The following TBC1D14 variants were observed in gnomAD, a reference collection of about 807,000 sequenced individuals.
TBC1D14 encodes TBC1 domain family member 14.
TBC1D14 carries 26 observed loss-of-function variants against 79.0 expected under a neutral mutation model. The observed-to-expected ratio is 0.33, with a 90% confidence interval of 0.24 to 0.46. The LOEUF (loss-of-function observed/expected upper bound fraction) is 0.46, where lower values mean the gene tolerates loss of function less well. Ranked by LOEUF, TBC1D14 falls within the 20% of genes least tolerant of loss-of-function variation. TBC1D14 has a pLI of 1.00. For missense variants in TBC1D14, 769 were observed against 887.6 expected, an observed-to-expected ratio of 0.87 and a Z score of 1.70; for synonymous variants, 394 against 349.9, an observed-to-expected ratio of 1.13 and a Z score of -1.40.
At chr4:6,967,836 G>A (rs907147779) in intron 3 of TBC1D14, among the ~76,000 whole-genome samples, 4 of 152,144 alleles carry the variant, frequency 2.6e-5, no homozygotes, top group South Asian at 2.1e-4. Context: ...ACAGGAAGGC[G>A]AGGGCCGACA....
chr4:6,965,472 C>T (rs1715621137), intron 2 of TBC1D14, among the ~76,000 whole-genome samples: 2 of 152,194 alleles, frequency 1.3e-5, no homozygotes, highest in Admixed American at 1.3e-4. Context: ...TCAGGTCATG[C>T]ATTCTTGGGC....
rs1378935060 is a variant in TBC1D14 at position 7,032,373 on chromosome 4, GAAGGTGGCGCGGC to G, written c.*1984_*1996del. 1 of 152,686 alleles carries G rather than the reference GAAGGTGGCGCGGC, an allele frequency of 6.5e-6. No homozygotes were observed. Among genetic ancestry groups the G allele is most frequent in the African/African-American group, 2.4e-5 (1 of 41,462 alleles). The allele number at this position is 152,686 out of a possible 1,614,324, so 9.5% of individuals were successfully genotyped here. ...ATAAAGATGTTCCTTAAGTCGTACA[GAAGGTGGCGCGGC>G]AAAGGGCCTCGTGCAGTGTGTTCAG... On this transcript the variant is annotated 3_prime_UTR_variant, in exon 14 of 14. Transcript: ENST00000409757.
At chr4:6,934,564 A>C (rs1176728157) in intron 2 of TBC1D14, among the ~76,000 whole-genome samples, 2 of 151,338 alleles carry the variant, frequency 1.3e-5, no homozygotes, top group East Asian at 3.9e-4. Flanking sequence ...AGGCTTAGGC[A>C]TGAGAATCTC....
intron 2 of TBC1D14, among the ~76,000 whole-genome samples, chr4:6,946,512 G>A (rs1042424414): frequency 2.0e-5 from 3 of 152,028 alleles, no homozygotes; most frequent in East Asian, 1.9e-4. Flanking sequence ...TGGTAGAGAC[G>A]GGGTATCATC....
At chr4:6,917,864 C>G (rs1432059759) in intron 1 of TBC1D14, among the ~76,000 whole-genome samples, 1 of 152,190 alleles carries the variant, frequency 6.6e-6, no homozygotes, top group African/African-American at 2.4e-5. Flanking sequence ...AGTGCGGCTT[C>G]TGCCCTAGTG....
intron 2 of TBC1D14, among the ~76,000 whole-genome samples, chr4:6,938,925 T>C (rs541708384): frequency 1.3e-5 from 2 of 151,724 alleles, no homozygotes; most frequent in South Asian, 4.2e-4. Context: ...GCTGCAGGAG[T>C]GGAGATCTGG....
chr4:7,020,458 G>C (rs907203432), intron 12 of TBC1D14, among the ~76,000 whole-genome samples: 131 of 152,318 alleles, frequency 8.6e-4, no homozygotes, highest in African/African-American at 3.1e-3. Flanking sequence ...GGAGCCCTGT[G>C]GTTGGGGGAG....
chr4:6,967,852 C>T (rs894298875), intron 3 of TBC1D14, among the ~76,000 whole-genome samples: 2 of 152,072 alleles, frequency 1.3e-5, no homozygotes, highest in African/African-American at 2.4e-5. Flanking sequence ...CGACATTCCC[C>T]GGCTCTGCTG....
At chr4:6,947,074 AAGTT>A (rs953319737) in intron 2 of TBC1D14, among the ~76,000 whole-genome samples, 3 of 152,136 alleles carry the variant, frequency 2.0e-5, no homozygotes, top group Non-Finnish European at 2.9e-5. Flanking sequence ...GTAAAAATCT[AAGTT>A]AGGCCGGCGC....
At chr4:6,964,753 C>T (rs554672099) in intron 2 of TBC1D14, among the ~76,000 whole-genome samples, 1 of 152,062 alleles carries the variant, frequency 6.6e-6, no homozygotes, top group Non-Finnish European at 1.5e-5. Context: ...ATGATTATAA[C>T]CACAACAGAA....
rs1229935487 is a variant in TBC1D14 at position 6,947,656 on chromosome 4, C to T, written c.723-19648C>T. On this transcript the variant is annotated intron_variant, in intron 2 of 13. Transcript: ENST00000409757. ...CCGCCTGGGCAGCAGAGTGAGATTC[C>T]GTCTCAAAAAAAAAAAAAAAAAATC... is the stretch of plus-strand genomic sequence containing the variant. 5.2e-5 allele frequency among the ~76,000 whole-genome samples: 6 copies of T among 116,424 alleles called. No homozygotes were observed. In the South Asian group the frequency reaches 1.2e-3, roughly 23 times the overall value. 76.4% of individuals were successfully genotyped at this position (116,424 alleles called of 152,430 possible). A position where few individuals can be genotyped will look rare whatever the true frequency, so the allele number is the denominator to read the frequency against.
intron 1 of TBC1D14, among the ~76,000 whole-genome samples, chr4:6,923,070 G>A (rs116383353): frequency 0.08 from 12,132 of 152,216 alleles, 693 homozygotes; most frequent in Non-Finnish European, 0.12. Flanking sequence ...GCGTGGAAGC[G>A]CATGCCTGTA....
intron 13 of TBC1D14, among the ~76,000 whole-genome samples, chr4:7,029,394 C>G (rs1722809960): frequency 6.6e-6 from 1 of 152,248 alleles, no homozygotes; most frequent in Non-Finnish European, 1.5e-5. Context: ...TTGTTCAGGC[C>G]CCTCATGTTG....
At chr4:6,983,806 A>C (rs1196248865) in intron 3 of TBC1D14, among the ~76,000 whole-genome samples, 1 of 152,210 alleles carries the variant, frequency 6.6e-6, no homozygotes, top group Non-Finnish European at 1.5e-5. Flanking sequence ...TTATTCTGAG[A>C]AGTATAAATT....
intron 3 of TBC1D14, among the ~76,000 whole-genome samples, chr4:6,984,754 C>A (rs545266008): frequency 1.3e-5 from 2 of 152,290 alleles, no homozygotes; most frequent in East Asian, 3.9e-4. Context: ...AGACTGAGTT[C>A]TTTGAGCACC....
chr4:6,926,093 C>T (rs545373869), intron 2 of TBC1D14, among the ~76,000 whole-genome samples: 14 of 152,326 alleles, frequency 9.2e-5, no homozygotes, highest in African/African-American at 2.4e-4. Context: ...TAGAACCGTG[C>T]GCGGAGGAGC....
Position 7,030,353 on chromosome 4 carries a change from C to T in TBC1D14, c.2043C>T (p.Ser681=), listed in dbSNP as rs140875284. 3 of 1,613,946 alleles carry T rather than the reference C, an allele frequency of 1.9e-6. No homozygotes were observed. Among genetic ancestry groups the T allele is most frequent in the Non-Finnish European group, 2.5e-6 (3 of 1,179,868 alleles). The part of the protein sequence containing the change: ...AQVLTALQKD[S]REMEKGSPSL... ...TACTGACTGCATTGCAGAAAGACAG[C>T]CGGGAAATGGAGAAGGGAAGTCCGT... The change falls in exon 14 of 14, where the codon AGC becomes AGT. Residue 681 remains serine, a synonymous_variant. Transcript: ENST00000409757.
At chr4:6,915,713 C>G (rs1309427530) in intron 1 of TBC1D14, among the ~76,000 whole-genome samples, 1 of 152,082 alleles carries the variant, frequency 6.6e-6, no homozygotes, top group African/African-American at 2.4e-5. Flanking sequence ...TGTGGTGGTG[C>G]TGTTAGGTGC....
At chr4:7,030,305 C>T (rs1246408505) in intron 13 of TBC1D14, 22 bp from the exon 14 acceptor site, 1 of 1,612,452 alleles carries the variant, frequency 6.2e-7, no homozygotes, top group South Asian at 1.1e-5. Context: ...TTAACCTCAG[C>T]TGTCTTCCCT....
Sources: allele counts gnomAD v4.1 joint callset (sites outside exome capture counted in the v4.1 genomes callset), GRCh38; gene constraint gnomAD v4.1.1; transcripts MANE v1.5; gene names NCBI Gene and HGNC (gene_info 2026-07-23, HGNC 2026-07-21).